TMEM117: variants seen among roughly 807,000 people sequenced by gnomAD.
TMEM117 encodes the protein transmembrane protein 117.
A neutral mutation model predicts 52.4 loss-of-function variants in TMEM117; 27 were observed. The observed-to-expected ratio is 0.51, with a 90% CI of 0.38 to 0.71. The LOEUF is 0.71. Ranked by LOEUF, TMEM117 falls within the 30% of genes least tolerant of loss-of-function variation. The pLI is 0.00. For missense variants in TMEM117, 556 were observed against 630.5 expected (o/e 0.88, Z 1.26); for synonymous variants, 215 against 206.3 (o/e 1.04, Z -0.36).
chr12:44,182,849 A>G (rs1949223548), intron 4 of TMEM117, among the ~76,000 whole-genome samples: 1 of 152,166 alleles, frequency 6.6e-6, no homozygotes, highest in African/African-American at 2.4e-5. Context: ...AAATAACTTC[A>G]TTTGATGTGT....
At chr12:44,264,183 C>T (rs1486436506) in intron 5 of TMEM117, among the ~76,000 whole-genome samples, 1 of 152,010 alleles carries the variant, frequency 6.6e-6, no homozygotes, top group Non-Finnish European at 1.5e-5. Flanking sequence ...GTTTGTTTTT[C>T]TGTCTATTTG....
intron 2 of TMEM117, among the ~76,000 whole-genome samples, chr12:43,916,884 G>T (rs1362035911): frequency 6.6e-6 from 1 of 152,102 alleles, no homozygotes; most frequent in African/African-American, 2.4e-5. Context: ...CTCACTGTTA[G>T]AGCCTAGACT....
chr12:43,921,968 G>A (rs1347039274), intron 2 of TMEM117, among the ~76,000 whole-genome samples: 1 of 152,048 alleles, frequency 6.6e-6, no homozygotes, highest in Non-Finnish European at 1.5e-5. Flanking sequence ...ACCTCTAAAA[G>A]TGGACTTTCT....
At chr12:44,006,606 G>A (rs1313933535) in intron 3 of TMEM117, among the ~76,000 whole-genome samples, 1 of 152,126 alleles carries the variant, frequency 6.6e-6, no homozygotes, top group East Asian at 1.9e-4. Context: ...AATCAATAAT[G>A]AAACTAAGTA....
chr12:43,817,381 T>G, the TMEM117 span, among the ~76,000 whole-genome samples: 131 of 152,372 alleles, frequency 8.6e-4, no homozygotes, highest in African/African-American at 2.4e-3. Context: ...TTCCCTTGAT[T>G]ATATGATTGA....
intron 3 of TMEM117, among the ~76,000 whole-genome samples, chr12:44,012,704 T>G (rs1321524811): frequency 1.3e-5 from 2 of 152,234 alleles, no homozygotes; most frequent in Non-Finnish European, 2.9e-5. Context: ...GTTATCCATC[T>G]GTTCTTGCAA....
chr12:44,205,832 C>T lies in TMEM117; in HGVS notation c.511-5458C>T, dbSNP rs116277644. Among the ~76,000 whole-genome samples, 1,077 of 152,248 alleles carry T rather than the reference C, an allele frequency of 7.1e-3. 15 individuals are homozygous for T. Among genetic ancestry groups the T allele is most frequent in the African/African-American group, 0.024 (989 of 41,562 alleles). On this transcript the variant is annotated intron_variant, in intron 4 of 7. Transcript: ENST00000266534. The stretch of plus-strand genomic sequence containing the variant: ...TGGTGGGAATGTAAATGAGTTCAGC[C>T]ACTGTGAGAAGCAGTTTGGAGATTT...
chr12:43,919,694 T>G (rs1944660853), intron 2 of TMEM117, among the ~76,000 whole-genome samples: 2 of 151,988 alleles, frequency 1.3e-5, no homozygotes, highest in South Asian at 2.1e-4. Context: ...ATGGTATCTA[T>G]TTTTAATTTT....
At chr12:44,270,333 A>G (rs1488171840) in intron 5 of TMEM117, among the ~76,000 whole-genome samples, 1 of 152,072 alleles carries the variant, frequency 6.6e-6, no homozygotes, top group African/African-American at 2.4e-5. Flanking sequence ...CCTTGGTTAG[A>G]TACATTCCTA....
chr12:44,116,626 A>G (rs1357538716), intron 3 of TMEM117, among the ~76,000 whole-genome samples: 1 of 152,218 alleles, frequency 6.6e-6, no homozygotes, highest in Non-Finnish European at 1.5e-5. Flanking sequence ...AGGCATGTAA[A>G]ACTCAACTTT....
chr12:43,812,320 GT>G, the TMEM117 span, among the ~76,000 whole-genome samples: 16 of 152,214 alleles, frequency 1.1e-4, no homozygotes, highest in African/African-American at 3.4e-4. Context: ...TTTCATTTCA[GT>G]TGTGTTTGAC....
At chr12:43,993,505 G>A (rs1255486729) in intron 3 of TMEM117, among the ~76,000 whole-genome samples, 2 of 152,064 alleles carry the variant, frequency 1.3e-5, no homozygotes, top group African/African-American at 4.8e-5. Context: ...TATCCCTGGT[G>A]CACTAGACTC....
intron 3 of TMEM117, among the ~76,000 whole-genome samples, chr12:43,969,139 A>G (rs1254236007): frequency 6.6e-6 from 1 of 152,044 alleles, no homozygotes; most frequent in Non-Finnish European, 1.5e-5. Context: ...ATGCACTTTA[A>G]TTGCTGTCAA....
At chr12:44,319,149 A>G (rs1003186089) in intron 6 of TMEM117, among the ~76,000 whole-genome samples, 11 of 152,176 alleles carry the variant, frequency 7.2e-5, no homozygotes, top group Non-Finnish European at 1.3e-4. Context: ...AAGCTCTGCA[A>G]TCTCTGATCC....
intron 3 of TMEM117, among the ~76,000 whole-genome samples, chr12:44,037,977 C>T (rs574126368): frequency 8.5e-5 from 13 of 152,104 alleles, no homozygotes; most frequent in South Asian, 2.1e-4. Context: ...CAATACTTGT[C>T]GGGATGCCCT....
intron 2 of TMEM117, 162 bp downstream of exon 2, chr12:43,845,090 T>A: frequency 1.4e-6 from 1 of 723,420 alleles, no homozygotes; most frequent in Non-Finnish European, 2.2e-6. Flanking sequence ...TCAACTACTC[T>A]CTGTTAATGG....
At chr12:43,890,938 CT>C (rs891790883) in intron 2 of TMEM117, among the ~76,000 whole-genome samples, 9 of 150,010 alleles carry the variant, frequency 6.0e-5, no homozygotes, top group African/African-American at 1.5e-4. Context: ...ATTCATCTGA[CT>C]TTTTTTTTTC....
In TMEM117 at chr12:43,848,850, G is replaced by A. The variant is rs188280568; in HGVS notation, c.277+3922G>A. 2.2e-3 allele frequency among the ~76,000 whole-genome samples: 339 copies of A among 152,302 alleles called. 1 individual carries two copies. Among genetic ancestry groups the A allele is most frequent in the African/African-American group, 7.1e-3 (296 of 41,584 alleles). The stretch of plus-strand genomic sequence containing the variant: ...TGTTCCTCTGCCGCAGCTTTAGCCC[G>A]TCCCTCTGTTCGGAGTCCCTGACTT... On this transcript the variant is annotated intron_variant, in intron 2 of 7. Transcript: ENST00000266534.
At chr12:44,064,849 A>G (rs907647651) in intron 3 of TMEM117, among the ~76,000 whole-genome samples, 2 of 152,138 alleles carry the variant, frequency 1.3e-5, no homozygotes, top group Non-Finnish European at 2.9e-5. Flanking sequence ...AATTAATAAT[A>G]TTGTATTGTG....
Sources: allele counts gnomAD v4.1 joint callset (sites outside exome capture counted in the v4.1 genomes callset), GRCh38; gene constraint gnomAD v4.1.1; transcripts MANE v1.5; gene names NCBI Gene and HGNC (gene_info 2026-07-23, HGNC 2026-07-21).